The following PLPP2 variants were observed in gnomAD, a reference collection of about 807,000 sequenced individuals.
PLPP2 encodes the protein PAP2-gamma.
Under a neutral mutation model 35.2 loss-of-function variants are expected in PLPP2, and 29 were observed. The ratio of observed to expected loss-of-function variants is 0.82; its 90% CI spans 0.61 to 1.12. PLPP2 has a LOEUF of 1.12. Ranked by LOEUF, PLPP2 falls within the 50% of genes most tolerant of loss-of-function variation. The pLI, the probability that PLPP2 is intolerant of heterozygous loss-of-function variation, is 0.00. For missense variants in PLPP2, 353 were observed against 375.2 expected (o/e 0.94, Z 0.49); for synonymous variants, 162 against 167.0 (o/e 0.97, Z 0.23).
At position 281,413 on chromosome 19, in the gene PLPP2, T is replaced by G. The variant is rs753058735; in HGVS notation, c.842A>C (p.Tyr281Ser). 6.7e-7 allele frequency: 1 copy of G among 1,483,514 alleles called. No homozygotes were observed. Among genetic ancestry groups the G allele is most frequent in the Non-Finnish European group, 9.0e-7 (1 of 1,113,962 alleles). 91.9% of individuals were successfully genotyped at this position (1,483,514 alleles called of 1,614,324 possible). A position where few individuals can be genotyped will look rare whatever the true frequency, so the allele number is the denominator to read the frequency against. Residue 281 changes from tyrosine to serine, a missense_variant, in exon 6 of 6, where the codon TAT becomes TCT. By Grantham distance (144) the Tyr-to-Ser change is moderately radical. Coordinates refer to ENST00000434325, the MANE Select transcript of PLPP2 (RefSeq NM_003712.4). ...TCAGGAGGAGGAGTGCGGGTATCCA[T>G]AGTGGTTGTGGTCAGCCTCGCCCAG... ...LTLGEADHNH[Y>S]GYPHSSS
At chr19:290,243 C>T (rs1970359081) in intron 1 of PLPP2, among the ~76,000 whole-genome samples, 1 of 152,198 alleles carries the variant, frequency 6.6e-6, no homozygotes, top group East Asian at 1.9e-4. Context: ...GCTGTACCTC[C>T]CGCTGCTGTG....
At chr19:291,231 G>A (rs1568204872) in intron 1 of PLPP2, 54 bp downstream of exon 1, 17 of 1,595,088 alleles carry the variant, frequency 1.1e-5, no homozygotes, top group Non-Finnish European at 1.5e-5. Flanking sequence ...CGCAGCCGGG[G>A]GCGTGTCCGT....
In PLPP2 at chr19:282,209, G is replaced by A. The variant is rs780307998; in HGVS notation, c.642C>T (p.Arg214=). The part of the protein sequence containing the change: ...VAFALYVGYT[R]VSDYKHHWSD... ...TCCAGTGGTGTTTGTAATCAGACAC[G>A]CGGGTGTAGCCCACGTAGAGGGCAA... Residue 214 remains arginine, a synonymous_variant, in exon 5 of 6, where the codon CGC becomes CGT. Coordinates refer to ENST00000434325, the MANE Select transcript of PLPP2 (RefSeq NM_003712.4). The A allele has an allele frequency of 1.7e-5, 27 of 1,613,744 alleles. 1 individual carries two copies. The highest frequency in any genetic ancestry group is 8.3e-5 in the Admixed American group (5 of 59,980).
rs1970168424 is a variant in PLPP2 at position 281,285 on chromosome 19, G to T, written c.*103C>A. 8.6e-7 allele frequency: 1 copy of T among 1,158,458 alleles called. No individual in the cohort carries two copies. The highest frequency in any genetic ancestry group is 1.1e-6 in the Non-Finnish European group (1 of 902,370). The allele number at this position is 1,158,458 out of a possible 1,614,324, so 71.8% of individuals were successfully genotyped here. On this transcript the variant is annotated 3_prime_UTR_variant, in exon 6 of 6. Coordinates refer to ENST00000434325, the MANE Select transcript of PLPP2 (RefSeq NM_003712.4). ...CTGCTCCCATCAGCCCAGGGTTCCT[G>T]GAGCCCGTCCAGAGCCCTCAGTGCC...
rs1338296391 is a variant in PLPP2 at position 287,305 on chromosome 19, G to C, written c.482+169C>G. 1 of 811,112 alleles carries C rather than the reference G, an allele frequency of 1.2e-6. No individual in the cohort carries two copies. The highest frequency in any genetic ancestry group is 1.9e-6 in the Non-Finnish European group (1 of 522,710). The allele number at this position is 811,112 out of a possible 1,614,324, so 50.2% of individuals were successfully genotyped here. A position where few individuals can be genotyped will look rare whatever the true frequency, so the allele number is the denominator to read the frequency against. ...AAAAACTGACAGAATGTTACAACAT[G>C]GATGAACTTCAAAAACATACAAGAA... On this transcript the variant is annotated intron_variant, in intron 3 of 5. Transcript: ENST00000434325. This position sits in a 1 kb window ranked among gnomAD's most constrained non-coding sequence, Gnocchi z 4.3.
rs1455947046 is a variant in PLPP2, at chr19:288,128, G to T, written c.96C>A (p.Tyr32Ter). Residue 32 changes from tyrosine (Y) to a stop codon, truncating the protein, a stop_gained, in exon 2 of 6, where the codon TAC becomes TAA. Coordinates refer to ENST00000434325, the MANE Select transcript of PLPP2 (RefSeq NM_003712.4). LOFTEE classifies it high-confidence loss of function. ...FAILTLVNAPYKRGFYCGDDS... is the reference protein window; with the variant it reads ...FAILTLVNAP ...CATCCCCGCAGTAAAATCCTCGCTT[G>T]TACGGGGCGTTCACCAGCGTCAGGA... is the stretch of plus-strand genomic sequence containing the variant. The T allele has an allele frequency of 3.1e-6, 5 of 1,609,286 alleles. No individual in the cohort carries two copies. The highest frequency in any genetic ancestry group is 4.2e-6 in the Non-Finnish European group (5 of 1,176,754).
chr19:284,033 A>G (rs927778476), intron 3 of PLPP2: 10 of 152,214 alleles, frequency 6.6e-5, no homozygotes, highest in African/African-American at 2.4e-4. Flanking sequence ...TTGCTACATT[A>G]TAATATTCTA....
chr19:287,751 C>A lies in PLPP2; in HGVS notation c.205G>T (p.Val69Phe). The stretch of plus-strand genomic sequence containing the variant: ...ACCAGGTAGGCTTCCCCGGCCGAGA[C>A]CTGCAAGAGCAGCCGCAGGAACCAG... The part of the protein sequence containing the change: ...GVTITATVIL[V>F]SAGEAYLVYT... Residue 69 changes from valine to phenylalanine, a missense_variant and splice_region_variant, in exon 3 of 6, where the codon GTC becomes TTC. By Grantham distance (50) the Val-to-Phe change is conservative. Coordinates refer to ENST00000434325, the MANE Select transcript of PLPP2 (RefSeq NM_003712.4). This position sits in a 1 kb window ranked among gnomAD's most constrained non-coding sequence, Gnocchi z 4.3. 6.2e-7 allele frequency: 1 copy of A among 1,612,846 alleles called. No individual in the cohort carries two copies. Among genetic ancestry groups the A allele is most frequent in the African/African-American group, 1.3e-5 (1 of 75,050 alleles).
Position 290,646 on chromosome 19 carries a change from C to G in PLPP2, c.52+639G>C, listed in dbSNP as rs554540227. Among the ~76,000 whole-genome samples the G allele has an allele frequency of 4.6e-5, 7 of 152,328 alleles. No homozygotes were observed. In the South Asian group the frequency reaches 8.3e-4, roughly 18 times the overall value. On this transcript the variant is annotated intron_variant, in intron 1 of 5. Transcript: ENST00000434325. Reference sequence around the variant, plus strand: ...GAGGGGGGCCTCGGGATGCCCATTCCGCCAGTGTGGCCCGCAAACCCGCCG... The same window carrying G: ...GAGGGGGGCCTCGGGATGCCCATTCGGCCAGTGTGGCCCGCAAACCCGCCG...
chr19:288,356 G>A, intron 1 of PLPP2, 185 bp from the exon 2 acceptor site: 1 of 515,732 alleles, frequency 1.9e-6, no homozygotes, highest in South Asian at 4.0e-5. Context: ...AAACTCCTCA[G>A]GCGCTCTGCC....
intron 1 of PLPP2, chr19:291,041 C>G: frequency 7.8e-7 from 1 of 1,280,690 alleles, no homozygotes; most frequent in Non-Finnish European, 9.8e-7. Flanking sequence ...CTGGCCCCGG[C>G]TCCCCGGGCC....
At chr19:286,731 G>A (rs1168297672) in intron 3 of PLPP2, 1 of 152,142 alleles carries the variant, frequency 6.6e-6, no homozygotes, top group Non-Finnish European at 1.5e-5. Context: ...GGAGGCCAAA[G>A]TGGGCGGATC....
chr19:287,972 C>T lies in PLPP2; in HGVS notation c.204+48G>A. Reference sequence around the variant, plus strand: ...CATCAGGCCCCCAGGGTAAAGCTGGCCCCACCCCATCCCCCTACCCAGTCC... The same window carrying T: ...CATCAGGCCCCCAGGGTAAAGCTGGTCCCACCCCATCCCCCTACCCAGTCC... On this transcript the variant is annotated intron_variant, in intron 2 of 5. Transcript: ENST00000434325. This position sits in a 1 kb window ranked among gnomAD's most constrained non-coding sequence, Gnocchi z 4.3. The T allele has an allele frequency of 2.0e-6, 3 of 1,503,010 alleles. No homozygotes were observed. Among genetic ancestry groups the T allele is most frequent in the South Asian group, 1.2e-5 (1 of 85,256 alleles). 93.1% of individuals were successfully genotyped at this position (1,503,010 alleles called of 1,614,324 possible).
intron 3 of PLPP2, chr19:285,029 T>A: frequency 6.6e-6 from 1 of 152,184 alleles, no homozygotes. Flanking sequence ...GGCAGGAGAA[T>A]CGCTTGAACC....
In PLPP2 at chr19:281,272, G is replaced by C; in HGVS notation, c.*116C>G. On this transcript the variant is annotated 3_prime_UTR_variant, in exon 6 of 6. Transcript: ENST00000434325. ...CGGAGCCCGCTCACTGCTCCCATCAGCCCAGGGTTCCTGGAGCCCGTCCAG... is the reference window on the plus strand; with the variant it reads ...CGGAGCCCGCTCACTGCTCCCATCACCCCAGGGTTCCTGGAGCCCGTCCAG... 1 of 1,060,266 alleles carries C rather than the reference G, an allele frequency of 9.4e-7. No individual in the cohort carries two copies. The highest frequency in any genetic ancestry group is 4.3e-5 in the South Asian group (1 of 23,456). 65.7% of individuals were successfully genotyped at this position (1,060,266 alleles called of 1,614,324 possible).
At chr19:290,245 G>A (rs540610280) in intron 1 of PLPP2, among the ~76,000 whole-genome samples, 18 of 152,278 alleles carry the variant, frequency 1.2e-4, no homozygotes, top group Non-Finnish European at 2.2e-4. Context: ...TGTACCTCCC[G>A]CTGCTGTGTG....
At position 282,268 on chromosome 19, in the gene PLPP2, G is replaced by C. The variant is rs955270236; in HGVS notation, c.583C>G (p.Leu195Val). Reference sequence around the variant, plus strand: ...AGGAAGAACTGGACTGTGGGTCGCAGCAGCCGTGCCCACTTCCAACAGAGT... The same window carrying C: ...AGGAAGAACTGGACTGTGGGTCGCACCAGCCGTGCCCACTTCCAACAGAGT... ...ARLCWKWARL[L>V]RPTVQFFLVA... Residue 195 changes from leucine to valine, a missense_variant, in exon 5 of 6, where the codon CTG becomes GTG. By Grantham distance (32) the Leu-to-Val change is conservative. Coordinates refer to ENST00000434325, the MANE Select transcript of PLPP2 (RefSeq NM_003712.4). 6.2e-7 allele frequency: 1 copy of C among 1,613,842 alleles called. No individual in the cohort carries two copies. The highest frequency in any genetic ancestry group is 1.3e-5 in the African/African-American group (1 of 74,968).
intron 5 of PLPP2, among the ~76,000 whole-genome samples, chr19:281,778 G>T (rs1970177796): frequency 6.7e-6 from 1 of 149,246 alleles, no homozygotes; most frequent in Admixed American, 6.7e-5. Flanking sequence ...GAGAAGGACT[G>T]GGGTGCACGG....
intron 1 of PLPP2, chr19:291,067 C>A (rs945983830): frequency 4.6e-6 from 6 of 1,301,826 alleles, no homozygotes; most frequent in South Asian, 2.3e-5. Flanking sequence ...CGACCCCCAT[C>A]CCCCTGGGCC....
Sources: allele counts gnomAD v4.1 joint callset (sites outside exome capture counted in the v4.1 genomes callset), GRCh38; gene constraint gnomAD v4.1.1; non-coding constraint Gnocchi (gnomAD v3.1); transcripts MANE v1.5; gene names NCBI Gene and HGNC (gene_info 2026-07-23, HGNC 2026-07-21).